Variants in PDE1C observed in about 807,000 individuals in gnomAD.
PDE1C encodes phosphodiesterase 1C, also known as dual specificity calcium/calmodulin-dependent 3',5'-cyclic nucleotide phosphodiesterase 1C.
Under a neutral mutation model 93.1 loss-of-function variants are expected in PDE1C, and 62 were observed. That is an observed-to-expected ratio of 0.67 (90% confidence interval 0.54 to 0.82). PDE1C has a LOEUF of 0.82. PDE1C is among the 40% of genes least tolerant of loss of function. PDE1C has a pLI of 0.00. For synonymous variants in PDE1C, 325 were observed against 310.1 expected, an observed-to-expected ratio of 1.05 and a Z score of -0.50; for missense variants, 742 against 884.6, an observed-to-expected ratio of 0.84 and a Z score of 2.04.
At chr7:32,204,679 G>A (rs1236026115) in intron 2 of PDE1C, among the ~76,000 whole-genome samples, 1 of 152,208 alleles carries the variant, frequency 6.6e-6, no homozygotes, top group Admixed American at 6.5e-5. Context: ...GGTATTTGGA[G>A]TTTTTTCCAA....
rs747853289 is a variant in PDE1C, at chr7:31,837,263, T to C, written c.1120A>G (p.Thr374Ala). Residue 374 changes from threonine (T) to alanine (A), a missense_variant, in exon 11 of 18, where the codon ACA (threonine) becomes GCA (alanine). Around this residue, in one of 4 missense-constraint regions of PDE1C, gnomAD observed 454 missense variants for 459.4 expected, o/e 0.99. Coordinates refer to ENST00000396191, the MANE Select transcript of PDE1C (RefSeq NM_001191057.4). ...KPKALSLMLH[T>A]ADISHPAKAW... The stretch of plus-strand genomic sequence containing the variant: ...TTTGCTGGATGGCTAATATCTGCTG[T>C]ATGCAGCATAAGGGATAAGGCTTTT... 12 of 1,613,642 alleles carry C rather than the reference T, an allele frequency of 7.4e-6. No homozygotes were observed. The highest frequency in any genetic ancestry group is 1.7e-4 in the Middle Eastern group (1 of 6,058).
the PDE1C span, among the ~76,000 whole-genome samples, chr7:31,686,539 A>G: frequency 9.2e-5 from 14 of 152,122 alleles, no homozygotes; most frequent in Non-Finnish European, 2.1e-4. Flanking sequence ...GCTGAGAGGT[A>G]TTGCAAAGTG....
intron 3 of PDE1C, among the ~76,000 whole-genome samples, chr7:32,137,885 T>C (rs1159521637): frequency 6.6e-6 from 1 of 152,204 alleles, no homozygotes; most frequent in East Asian, 1.9e-4. Context: ...TTTGCATCCA[T>C]CCATAAGTGT....
intron 2 of PDE1C, among the ~76,000 whole-genome samples, chr7:31,939,231 A>G (rs1323480759): frequency 7.0e-6 from 1 of 142,738 alleles, no homozygotes; most frequent in Non-Finnish European, 1.5e-5. Flanking sequence ...AAGAAGAAGA[A>G]GGAGGAGGAG....
At chr7:32,121,936 T>C (rs1011161635) in intron 3 of PDE1C, among the ~76,000 whole-genome samples, 2 of 152,054 alleles carry the variant, frequency 1.3e-5, no homozygotes, top group Non-Finnish European at 2.9e-5. Flanking sequence ...GCAAATTGGA[T>C]ACAGTCAAGA....
intron 14 of PDE1C, among the ~76,000 whole-genome samples, chr7:31,820,161 A>G (rs1334952778): frequency 1.3e-5 from 2 of 152,124 alleles, no homozygotes; most frequent in African/African-American, 4.8e-5. Flanking sequence ...AATACAAGAC[A>G]ATATTATATT....
chr7:32,197,218 A>C (rs1038566799), intron 2 of PDE1C, among the ~76,000 whole-genome samples: 2 of 152,196 alleles, frequency 1.3e-5, no homozygotes, highest in Non-Finnish European at 2.9e-5. Flanking sequence ...ATTATTAGTC[A>C]TTAGAGAAAT....
intron 16 of PDE1C, among the ~76,000 whole-genome samples, chr7:31,779,111 G>A (rs1279785373): frequency 1.3e-5 from 2 of 152,150 alleles, no homozygotes; most frequent in Non-Finnish European, 1.5e-5. Context: ...TTCCAGAGGC[G>A]AGGTTTAGGG....
chr7:31,850,954 G>A (rs1793251324), intron 7 of PDE1C: 2 of 498,864 alleles, frequency 4.0e-6, no homozygotes, highest in Admixed American at 6.5e-5. Context: ...GGTTGAATAA[G>A]CTAAGTAGTA....
chr7:31,815,827 T>C (rs937181307), intron 15 of PDE1C, 97 bp downstream of exon 15: 3 of 909,048 alleles, frequency 3.3e-6, no homozygotes, highest in Admixed American at 1.8e-5. Context: ...AGCCTTGCCC[T>C]GTGAGCTGAC....
intron 1 of PDE1C, among the ~76,000 whole-genome samples, chr7:32,273,656 G>A (rs1365272757): frequency 6.6e-6 from 1 of 152,164 alleles, no homozygotes; most frequent in African/African-American, 2.4e-5. Flanking sequence ...GAGAACCAGA[G>A]GGTAAAGTTT....
chr7:32,114,691 G>A (rs553587153), intron 3 of PDE1C, among the ~76,000 whole-genome samples: 2 of 152,222 alleles, frequency 1.3e-5, no homozygotes, highest in South Asian at 4.1e-4. Context: ...TACAGAATGG[G>A]CGAAAATTTT....
intron 3 of PDE1C, among the ~76,000 whole-genome samples, chr7:32,102,661 C>T (rs1217374478): frequency 6.6e-6 from 1 of 152,220 alleles, no homozygotes; most frequent in East Asian, 1.9e-4. Flanking sequence ...ACTGCTTCTA[C>T]AGCATGGCAC....
intron 1 of PDE1C, among the ~76,000 whole-genome samples, chr7:32,240,317 T>C (rs1808449939): frequency 6.6e-6 from 1 of 152,230 alleles, no homozygotes; most frequent in South Asian, 2.1e-4. Context: ...CTACAAATAT[T>C]AACTGAGGGC....
At chr7:31,892,770 G>A (rs1196299730) in intron 2 of PDE1C, among the ~76,000 whole-genome samples, 1 of 152,102 alleles carries the variant, frequency 6.6e-6, no homozygotes, top group African/African-American at 2.4e-5. Flanking sequence ...GGAGTGAACA[G>A]GGAAAGGAGA....
intron 2 of PDE1C, among the ~76,000 whole-genome samples, chr7:31,960,031 A>T (rs1386227996): frequency 6.7e-6 from 1 of 148,870 alleles, no homozygotes; most frequent in Non-Finnish European, 1.5e-5. Context: ...ACGCACAGCT[A>T]TTTTTTTTTT....
intron 1 of PDE1C, among the ~76,000 whole-genome samples, chr7:32,397,902 C>T (rs1056175619): frequency 1.3e-5 from 2 of 152,004 alleles, no homozygotes; most frequent in African/African-American, 4.8e-5. Context: ...CACCTGTAAT[C>T]CCAGCACTTT....
At chr7:31,860,455 A>G (rs1185290468) in intron 7 of PDE1C, among the ~76,000 whole-genome samples, 1 of 152,232 alleles carries the variant, frequency 6.6e-6, no homozygotes. Flanking sequence ...TATATAATGG[A>G]TTAAAACTGT....
At chr7:32,261,097 G>A (rs553655440) in intron 1 of PDE1C, among the ~76,000 whole-genome samples, 45 of 152,144 alleles carry the variant, frequency 3.0e-4, no homozygotes, top group Admixed American at 1.0e-3. Context: ...GCAACAGAGC[G>A]AGACTTCGTC....
Sources: allele counts gnomAD v4.1 joint callset (sites outside exome capture counted in the v4.1 genomes callset), GRCh38; gene constraint gnomAD v4.1.1; regional missense constraint gnomAD v4.1.1; transcripts MANE v1.5; gene names NCBI Gene and HGNC (gene_info 2026-07-23, HGNC 2026-07-21).